RNMT: variants seen among roughly 807,000 people sequenced by gnomAD.
RNMT encodes mRNA cap guanine-N(7) methyltransferase.
RNMT carries 27 observed loss-of-function variants against 56.0 expected under a neutral mutation model. The ratio of observed to expected loss-of-function variants is 0.48; its 90% confidence interval spans 0.36 to 0.67. The LOEUF (loss-of-function observed/expected upper bound fraction) is 0.67, where lower values mean the gene tolerates loss of function less well. RNMT is among the 30% of genes least tolerant of loss of function. The pLI is 0.00. For missense variants in RNMT, 519 were observed against 552.1 expected, an observed-to-expected ratio of 0.94 and a Z score of 0.60; for synonymous variants, 184 against 176.2, an observed-to-expected ratio of 1.04 and a Z score of -0.35.
chr18:13,734,599 G>A lies in RNMT; in HGVS notation c.553G>A (p.Gly185Arg). The A allele has an allele frequency of 6.2e-7, 1 of 1,609,456 alleles. No homozygotes were observed. The highest frequency in any genetic ancestry group is 8.5e-7 in the Non-Finnish European group (1 of 1,177,758). The change falls in exon 4 of 12, where the codon GGA (glycine) becomes AGA (arginine). Residue 185 changes from glycine to arginine, a missense_variant and splice_region_variant. Coordinates refer to ENST00000383314, the MANE Select transcript of RNMT (RefSeq NM_003799.3). ...FNNWMKSVLI[G>R]EFLEKVRQKK... ...TAATTGGATGAAAAGTGTTCTCATT[G>A]GTATGATCCAACACCAAGCTACTGA...
intron 4 of RNMT, 142 bp downstream of exon 4, chr18:13,734,741 T>C (rs1304398874): frequency 1.5e-6 from 1 of 667,514 alleles, no homozygotes; most frequent in Non-Finnish European, 2.4e-6. Context: ...TGTAAGATTT[T>C]AATGAGTGTT....
At chr18:13,736,134 C>A (rs1568500802) in intron 4 of RNMT, among the ~76,000 whole-genome samples, 2 of 152,148 alleles carry the variant, frequency 1.3e-5, no homozygotes, top group African/African-American at 2.4e-5. Flanking sequence ...TATTAAGATT[C>A]ATGGCAGAAA....
At chr18:13,750,902 GGCTA>G (rs1438512179) in intron 9 of RNMT, among the ~76,000 whole-genome samples, 1 of 152,082 alleles carries the variant, frequency 6.6e-6, no homozygotes, top group Non-Finnish European at 1.5e-5. Context: ...TGGGAAAACT[GGCTA>G]GCCATATGTA....
intron 9 of RNMT, among the ~76,000 whole-genome samples, chr18:13,747,473 G>T (rs1040462732): frequency 6.6e-6 from 1 of 152,182 alleles, no homozygotes; most frequent in Non-Finnish European, 1.5e-5. Flanking sequence ...TCCCGCCTTG[G>T]CCTCCCAAAG....
At position 13,734,187 on chromosome 18, in the gene RNMT, C is replaced by T. The variant is rs554881163; in HGVS notation, c.418-277C>T. Reference sequence around the variant, plus strand: ...CATGATTGTGAGGCCTCCCCCGCCACGAGGAACTGTGAGTCCATTGAACCT... The same window carrying T: ...CATGATTGTGAGGCCTCCCCCGCCATGAGGAACTGTGAGTCCATTGAACCT... On this transcript the variant is annotated intron_variant, in intron 3 of 11. Coordinates refer to ENST00000383314, the MANE Select transcript of RNMT (RefSeq NM_003799.3). Among the ~76,000 whole-genome samples the T allele has an allele frequency of 3.9e-5, 6 of 152,292 alleles. 1 individual carries two copies. The highest frequency in any genetic ancestry group is 3.9e-4 in the East Asian group (2 of 5,194).
intron 9 of RNMT, among the ~76,000 whole-genome samples, chr18:13,751,261 A>T (rs551215475): frequency 2.1e-4 from 32 of 152,348 alleles, no homozygotes; most frequent in African/African-American, 7.7e-4. Flanking sequence ...CAAAGAACTT[A>T]AACAAGTTTA....
At position 13,760,249 on chromosome 18, in the gene RNMT, T is replaced by C; in HGVS notation, c.*270T>C. ...TTCCATTTGCCTCTATGATCTTAGC[T>C]CATAAAAATATAATATGACTTGATA... On this transcript the variant is annotated 3_prime_UTR_variant, in exon 12 of 12. Coordinates refer to ENST00000383314, the MANE Select transcript of RNMT (RefSeq NM_003799.3). 8.7e-7 allele frequency: 1 copy of C among 1,152,116 alleles called. No homozygotes were observed. Among genetic ancestry groups the C allele is most frequent in the Admixed American group, 4.5e-5 (1 of 22,176 alleles). 71.4% of individuals were successfully genotyped at this position (1,152,116 alleles called of 1,614,324 possible). A position where few individuals can be genotyped will look rare whatever the true frequency, so the allele number is the denominator to read the frequency against.
Position 13,761,440 on chromosome 18 carries a change from T to C in RNMT, c.*1461T>C. 1 of 985,762 alleles carries C rather than the reference T, an allele frequency of 1.0e-6. No individual in the cohort carries two copies. Among genetic ancestry groups the C allele is most frequent in the Non-Finnish European group, 1.2e-6 (1 of 830,186 alleles). The allele number at this position is 985,762 out of a possible 1,614,324, so 61.1% of individuals were successfully genotyped here. ...CATTCTAGGGCAGTGCCAGGAAGTA[T>C]ATTGATAGCTTTGTAGGTACAGGAA... On this transcript the variant is annotated 3_prime_UTR_variant, in exon 12 of 12. Transcript: ENST00000383314.
intron 1 of RNMT, chr18:13,726,996 G>T (rs1601980021): frequency 6.6e-6 from 1 of 152,064 alleles, no homozygotes; most frequent in Middle Eastern, 3.4e-3. Flanking sequence ...TCCAGCTCGC[G>T]CCCCAGGGCC....
At position 13,752,874 on chromosome 18, in the gene RNMT, TAC is replaced by T. The variant is rs2044474393; in HGVS notation, c.1359+449_1359+450del. ...CTGTGACTTTGTCATCAGTAGAAGTTACAGATATTTTCATAGCACATTTTTGC... is the reference window on the plus strand; with the variant it reads ...CTGTGACTTTGTCATCAGTAGAAGTTAGATATTTTCATAGCACATTTTTGC... On this transcript the variant is annotated intron_variant, in intron 10 of 11. Coordinates refer to ENST00000383314, the MANE Select transcript of RNMT (RefSeq NM_003799.3). Among the ~76,000 whole-genome samples the T allele has an allele frequency of 2.0e-5, 3 of 152,366 alleles. No homozygotes were observed. In the South Asian group the frequency reaches 6.2e-4, roughly 32 times the overall value.
chr18:13,754,755 C>A (rs12969720), intron 11 of RNMT, among the ~76,000 whole-genome samples: 2 of 152,154 alleles, frequency 1.3e-5, no homozygotes, highest in African/African-American at 4.8e-5. Context: ...CAGATTTCTA[C>A]TGGAATTTTT....
Position 13,762,405 on chromosome 18 carries a change from G to A in RNMT, c.*2426G>A. On this transcript the variant is annotated 3_prime_UTR_variant, in exon 12 of 12. Coordinates refer to ENST00000383314, the MANE Select transcript of RNMT (RefSeq NM_003799.3). ...CCTGTGGAAAGTATTGCAATTCTGT[G>A]AGAGTGACTCTGCAGAGTCACTGCA... 1 of 453,572 alleles carries A rather than the reference G, an allele frequency of 2.2e-6. No homozygotes were observed. Among genetic ancestry groups the A allele is most frequent in the Non-Finnish European group, 4.0e-6 (1 of 252,072 alleles). 28.1% of individuals were successfully genotyped at this position (453,572 alleles called of 1,614,324 possible).
At chr18:13,748,788 A>G (rs1370488775) in intron 9 of RNMT, among the ~76,000 whole-genome samples, 1 of 152,186 alleles carries the variant, frequency 6.6e-6, no homozygotes, top group Non-Finnish European at 1.5e-5. Context: ...ATATGTTTTA[A>G]TAAGTTTTGG....
intron 4 of RNMT, among the ~76,000 whole-genome samples, 160 bp from the exon 5 acceptor site, chr18:13,736,850 A>G (rs1252482463): frequency 6.6e-6 from 1 of 152,184 alleles, no homozygotes; most frequent in African/African-American, 2.4e-5. Context: ...TCTTAGTCAT[A>G]TTTTTAGTTA....
At chr18:13,740,480 A>T (rs1318325824) in intron 6 of RNMT, among the ~76,000 whole-genome samples, 1 of 152,064 alleles carries the variant, frequency 6.6e-6, no homozygotes, top group African/African-American at 2.4e-5. Context: ...GGCTCAAGTG[A>T]TTCTCCTGCC....
intron 10 of RNMT, among the ~76,000 whole-genome samples, chr18:13,753,208 C>T (rs376374955): frequency 2.0e-5 from 3 of 152,174 alleles, no homozygotes; most frequent in African/African-American, 7.2e-5. Context: ...GTGGCTCACG[C>T]CTGTAATCCC....
At chr18:13,729,134 T>C (rs1227563924) in intron 1 of RNMT, among the ~76,000 whole-genome samples, 4 of 152,238 alleles carry the variant, frequency 2.6e-5, no homozygotes, top group Non-Finnish European at 1.5e-5. Context: ...CCATTTTGAT[T>C]TGATTTTTGC....
At chr18:13,737,498 G>A (rs886681051) in intron 5 of RNMT, among the ~76,000 whole-genome samples, 7 of 151,792 alleles carry the variant, frequency 4.6e-5, no homozygotes, top group South Asian at 4.2e-4. Flanking sequence ...AGACAAGATC[G>A]CACCACTGCA....
In RNMT at chr18:13,761,476, A is replaced by C. The variant is rs1000296261; in HGVS notation, c.*1497A>C. ...TTGTAGGTACAGGAAAAACATCATCATTATTTCCTCTGTTCACATTTACTG... is the reference window on the plus strand; with the variant it reads ...TTGTAGGTACAGGAAAAACATCATCCTTATTTCCTCTGTTCACATTTACTG... On this transcript the variant is annotated 3_prime_UTR_variant, in exon 12 of 12. Coordinates refer to ENST00000383314, the MANE Select transcript of RNMT (RefSeq NM_003799.3). The C allele has an allele frequency of 6.1e-6, 6 of 986,050 alleles. No homozygotes were observed. In the African/African-American group the frequency reaches 1.0e-4, roughly 17 times the overall value. 61.1% of individuals were successfully genotyped at this position (986,050 alleles called of 1,614,324 possible). A position where few individuals can be genotyped will look rare whatever the true frequency, so the allele number is the denominator to read the frequency against.
Sources: allele counts gnomAD v4.1 joint callset (sites outside exome capture counted in the v4.1 genomes callset), GRCh38; gene constraint gnomAD v4.1.1; transcripts MANE v1.5; gene names NCBI Gene and HGNC (gene_info 2026-07-23, HGNC 2026-07-21).